The following ACTL6A variants were observed in gnomAD, a reference collection of about 807,000 sequenced individuals.
ACTL6A encodes the protein actin like 6A.
Under a neutral mutation model 59.2 loss-of-function variants are expected in ACTL6A, and 5 were observed. The ratio of observed to expected loss-of-function variants is 0.08; its 90% CI spans 0.04 to 0.18. ACTL6A has a LOEUF of 0.18. Ranked by LOEUF, ACTL6A falls within the 10% of genes least tolerant of loss-of-function variation. ACTL6A has a pLI of 1.00. For synonymous variants in ACTL6A, 154 were observed against 171.8 expected, an observed-to-expected ratio of 0.90 and a Z score of 0.81; for missense variants, 285 against 526.9, an observed-to-expected ratio of 0.54 and a Z score of 4.49.
At position 179,568,774 on chromosome 3, in the gene ACTL6A, G is replaced by A. The variant is rs185968027; in HGVS notation, c.26-1050G>A. Among the ~76,000 whole-genome samples the A allele has an allele frequency of 1.8e-3, 267 of 152,302 alleles. 2 individuals carry two copies. Among genetic ancestry groups the A allele is most frequent in the South Asian group, 2.5e-3 (12 of 4,828 alleles). ...TCTGCCTTTTCCTATGGCAAGCAGT[G>A]TGTCAATTATAATAGCAGCTTACAC... On this transcript the variant is annotated intron_variant, in intron 1 of 13. Transcript: ENST00000429709.
At chr3:179,575,974 A>G (rs1228930639) in intron 5 of ACTL6A, among the ~76,000 whole-genome samples, 1 of 152,220 alleles carries the variant, frequency 6.6e-6, no homozygotes, top group African/African-American at 2.4e-5. Flanking sequence ...AGCTGTTCCT[A>G]GGATAAAGGT....
Position 179,570,243 on chromosome 3 carries a change from TATG to T in ACTL6A, c.277+6_277+8del, listed in dbSNP as rs1483244602. ...TTTCACCTCTAAAAAATGGGATGGG[TATG>T]ATGTTTTCCCCATGGAATTGATTAT... On this transcript the variant is annotated splice_donor_5th_base_variant and intron_variant, in intron 3 of 13. Transcript: ENST00000429709. The surrounding 1 kb of genome is among the most constrained non-coding windows in gnomAD (Gnocchi z 4.3). The T allele has an allele frequency of 6.2e-7, 1 of 1,609,816 alleles. No homozygotes were observed. Among genetic ancestry groups the T allele is most frequent in the Non-Finnish European group, 8.5e-7 (1 of 1,178,002 alleles).
At chr3:179,574,605 T>C in intron 5 of ACTL6A, 138 bp downstream of exon 5, 3 of 684,958 alleles carry the variant, frequency 4.4e-6, no homozygotes, top group South Asian at 1.6e-5. Flanking sequence ...TTTTTAGCTA[T>C]TCATCTTTTA....
At chr3:179,568,545 G>T (rs1462279337) in intron 1 of ACTL6A, among the ~76,000 whole-genome samples, 1 of 146,010 alleles carries the variant, frequency 6.8e-6, no homozygotes, top group African/African-American at 2.5e-5. Flanking sequence ...TTTTTGAGAC[G>T]TGTGTGTGTG....
At chr3:179,569,197 C>G (rs942091435) in intron 1 of ACTL6A, among the ~76,000 whole-genome samples, 7 of 152,214 alleles carry the variant, frequency 4.6e-5, no homozygotes, top group African/African-American at 1.7e-4. Flanking sequence ...TGCATCCCCT[C>G]TACTAAAAGT....
At position 179,576,814 on chromosome 3, in the gene ACTL6A, G is replaced by A; in HGVS notation, c.679-10G>A. ...AACTCCATTAACCTAGCATCTCTTGGTACTCTCAGGAAGCTGTTCGTGAAG... is the reference window on the plus strand; with the variant it reads ...AACTCCATTAACCTAGCATCTCTTGATACTCTCAGGAAGCTGTTCGTGAAG... On this transcript the variant is annotated splice_polypyrimidine_tract_variant and intron_variant, in intron 7 of 13. Coordinates refer to ENST00000429709, the MANE Select transcript of ACTL6A (RefSeq NM_004301.5). 1 of 1,613,734 alleles carries A rather than the reference G, an allele frequency of 6.2e-7. No homozygotes were observed. The highest frequency in any genetic ancestry group is 1.1e-5 in the South Asian group (1 of 91,052).
rs1008070570 is a variant in ACTL6A at position 179,562,952 on chromosome 3, G to A, written c.-141G>A. The A allele has an allele frequency of 1.8e-6, 2 of 1,117,760 alleles. No individual in the cohort carries two copies. The highest frequency in any genetic ancestry group is 2.0e-5 in the Admixed American group (1 of 50,534). The allele number at this position is 1,117,760 out of a possible 1,614,324, so 69.2% of individuals were successfully genotyped here. On this transcript the variant is annotated 5_prime_UTR_variant, in exon 1 of 14. Transcript: ENST00000429709. ...AGTGTGGCTGAGCTCCGGGGTGTGT[G>A]GACGCCGCTTTGTTGCCTGAGGTGG...
chr3:179,576,660 G>T lies in ACTL6A; in HGVS notation c.612G>T (p.Met204Ile). 1 of 1,613,832 alleles carries T rather than the reference G, an allele frequency of 6.2e-7. No homozygotes were observed. Among genetic ancestry groups the T allele is most frequent in the Non-Finnish European group, 8.5e-7 (1 of 1,179,842 alleles). The change falls in exon 7 of 14, where the codon ATG (methionine) becomes ATT (isoleucine). Residue 204 changes from methionine to isoleucine, a missense_variant. Physicochemically the swap from Met to Ile is conservative, Grantham distance 10 (BLOSUM62 1). Transcript: ENST00000429709. ...KSPLAGDFIT[M>I]QCRELFQEMN... ...CTCTTGCTGGAGACTTTATTACTATGCAGTGCAGAGAACTCTTCCAAGAAA... is the reference window on the plus strand; with the variant it reads ...CTCTTGCTGGAGACTTTATTACTATTCAGTGCAGAGAACTCTTCCAAGAAA...
intron 12 of ACTL6A, among the ~76,000 whole-genome samples, chr3:179,583,972 G>C (rs534256354): frequency 6.6e-6 from 1 of 152,332 alleles, no homozygotes; most frequent in Non-Finnish European, 1.5e-5. Context: ...GTAATTCAAA[G>C]TAGTTGGCTT....
At chr3:179,579,937 G>T (rs1217612175) in intron 8 of ACTL6A, among the ~76,000 whole-genome samples, 2 of 152,112 alleles carry the variant, frequency 1.3e-5, no homozygotes, top group African/African-American at 2.4e-5. Context: ...ACCATGCCTG[G>T]CTAATTTTTT....
rs747112783 is a variant in ACTL6A, at chr3:179,580,607, A to G, written c.769-33A>G. 10 of 1,469,564 alleles carry G rather than the reference A, an allele frequency of 6.8e-6. No homozygotes were observed. In the African/African-American group the frequency reaches 1.1e-4, roughly 17 times the overall value. The allele number at this position is 1,469,564 out of a possible 1,614,324, so 91.0% of individuals were successfully genotyped here. On this transcript the variant is annotated intron_variant, in intron 8 of 13. Coordinates refer to ENST00000429709, the MANE Select transcript of ACTL6A (RefSeq NM_004301.5). The stretch of plus-strand genomic sequence containing the variant: ...GTATAGATTACAAAGATAAATCTCA[A>G]CCTTGTTTGTTACTTTTTTCTTTTA...
At chr3:179,563,548 T>G (rs1560008097) in intron 1 of ACTL6A, among the ~76,000 whole-genome samples, 1 of 152,172 alleles carries the variant, frequency 6.6e-6, no homozygotes, top group East Asian at 1.9e-4. Flanking sequence ...CCCGGCGGTT[T>G]GCAAGCGTGG....
chr3:179,568,803 G>A (rs1717916336), intron 1 of ACTL6A, among the ~76,000 whole-genome samples: 1 of 152,076 alleles, frequency 6.6e-6, no homozygotes, highest in Non-Finnish European at 1.5e-5. Flanking sequence ...CTTACACTTA[G>A]CATGTGTATT....
rs1576855339 is a variant in ACTL6A, at chr3:179,578,750, TG to T, written c.768+1838del. ...AAACGTTCGCTTTTCTCTGCAGCCG[TG>T]TCAGCAGCATCTGTTATTTATTTAA... On this transcript the variant is annotated intron_variant, in intron 8 of 13. Transcript: ENST00000429709. Among the ~76,000 whole-genome samples, 5 of 152,342 alleles carry T rather than the reference TG, an allele frequency of 3.3e-5. No homozygotes were observed. In the East Asian group the frequency reaches 9.6e-4, roughly 29 times the overall value.
intron 4 of ACTL6A, among the ~76,000 whole-genome samples, 168 bp from the exon 5 acceptor site, chr3:179,574,202 T>G (rs1445215971): frequency 6.6e-6 from 1 of 152,146 alleles, no homozygotes; most frequent in Non-Finnish European, 1.5e-5. Context: ...ATAAATATTA[T>G]AGAGGTTTTT....
intron 1 of ACTL6A, among the ~76,000 whole-genome samples, chr3:179,563,479 AGT>A (rs1478741787): frequency 6.6e-6 from 1 of 152,146 alleles, no homozygotes; most frequent in East Asian, 1.9e-4. Flanking sequence ...CATCTCCCCG[AGT>A]GCCTCCTGGA....
At position 179,580,604 on chromosome 3, in the gene ACTL6A, T is replaced by C. The variant is rs758594796; in HGVS notation, c.769-36T>C. On this transcript the variant is annotated intron_variant, in intron 8 of 13. Transcript: ENST00000429709. ...AAAGTATAGATTACAAAGATAAATC[T>C]CAACCTTGTTTGTTACTTTTTTCTT... 2.8e-6 allele frequency: 4 copies of C among 1,444,506 alleles called. No individual in the cohort carries two copies. In the African/African-American group the frequency reaches 4.3e-5, roughly 15 times the overall value. The allele number at this position is 1,444,506 out of a possible 1,614,324, so 89.5% of individuals were successfully genotyped here.
Position 179,570,022 on chromosome 3 carries a change from T to A in ACTL6A, c.103-45T>A. The A allele has an allele frequency of 2.5e-6, 4 of 1,591,696 alleles. No homozygotes were observed. Among genetic ancestry groups the A allele is most frequent in the Non-Finnish European group, 3.4e-6 (4 of 1,169,782 alleles). The stretch of plus-strand genomic sequence containing the variant: ...CATTAATTGGGGAAAAAATGCCTTC[T>A]TGATGAAAGGTGAAACTTGTATGTC... On this transcript the variant is annotated intron_variant, in intron 2 of 13. Transcript: ENST00000429709. The surrounding 1 kb of genome is among the most constrained non-coding windows in gnomAD (Gnocchi z 4.3).
At chr3:179,574,548 G>T in intron 5 of ACTL6A, 81 bp downstream of exon 5, 2 of 967,052 alleles carry the variant, frequency 2.1e-6, no homozygotes, top group East Asian at 2.5e-5. Context: ...GAAGACATAC[G>T]CCAATTATTG....
Sources: allele counts gnomAD v4.1 joint callset (sites outside exome capture counted in the v4.1 genomes callset), GRCh38; gene constraint gnomAD v4.1.1; non-coding constraint Gnocchi (gnomAD v3.1); transcripts MANE v1.5; gene names NCBI Gene and HGNC (gene_info 2026-07-23, HGNC 2026-07-21).